Variants in PPP1R3C observed in about 807,000 individuals in gnomAD.
The protein encoded by PPP1R3C is protein phosphatase 1 regulatory subunit 3C.
Under a neutral mutation model 29.3 loss-of-function variants are expected in PPP1R3C, and 20 were observed. The ratio of observed to expected loss-of-function variants is 0.68; its 90% confidence interval spans 0.48 to 0.99. PPP1R3C has a LOEUF of 0.99. PPP1R3C is among the 50% of genes least tolerant of loss of function. The pLI, the probability that PPP1R3C is intolerant of heterozygous loss-of-function variation, is 0.00. For synonymous variants in PPP1R3C, 123 were observed against 143.1 expected (o/e 0.86, Z 1.00); for missense variants, 321 against 386.0 (o/e 0.83, Z 1.41).
At position 91,629,930 on chromosome 10, in the gene PPP1R3C, T is replaced by G. The variant is rs1309573712; in HGVS notation, c.951A>C (p.Arg317=). ...ACCAGTTACATTGTTGCTTAATTCA[T>G]CGATAAGAGGCCAAGTTCTCCATTC... ...WGRMENLASY[R] Residue 317 remains arginine, a synonymous_variant, in exon 2 of 2, where the codon CGA becomes CGC. Coordinates refer to ENST00000238994, the MANE Select transcript of PPP1R3C (RefSeq NM_005398.7). The G allele has an allele frequency of 6.2e-7, 1 of 1,614,004 alleles. No homozygotes were observed.
At position 91,630,041 on chromosome 10, in the gene PPP1R3C, C is replaced by A; in HGVS notation, c.840G>T (p.Thr280=). Residue 280 remains threonine, a synonymous_variant, in exon 2 of 2, where the codon ACG becomes ACT. Transcript: ENST00000238994. This position sits in a 1 kb window ranked among gnomAD's most constrained non-coding sequence, Gnocchi z 4.4. ...TTGACTCTAACTCTGTCTTAGGAGA[C>A]GTCTGGTGGAATGCACAGTCCTGGG... The part of the protein sequence containing the change: ...MAPQDCAFHQ[T]SPKTELESTI... The A allele has an allele frequency of 6.2e-7, 1 of 1,614,194 alleles. No homozygotes were observed. Among genetic ancestry groups the A allele is most frequent in the African/African-American group, 1.3e-5 (1 of 75,044 alleles).
At position 91,630,287 on chromosome 10, in the gene PPP1R3C, G is replaced by A. The variant is rs144290379; in HGVS notation, c.594C>T (p.Asp198=). The change falls in exon 2 of 2, where the codon GAC becomes GAT. Residue 198 remains aspartate, a synonymous_variant. Coordinates refer to ENST00000238994, the MANE Select transcript of PPP1R3C (RefSeq NM_005398.7). This position sits in a 1 kb window ranked among gnomAD's most constrained non-coding sequence, Gnocchi z 4.4. ...CATTTTTCATATAGACACAGTCTAC[G>A]TCAGTGTAGTTTTTCCAAGAATCGA... ...ITFDSWKNYT[D]VDCVYMKNVY... is the part of the protein sequence containing the mutation. The A allele has an allele frequency of 2.8e-5, 46 of 1,614,180 alleles. No individual in the cohort carries two copies. The South Asian group carries it at 3.5e-4, about 12-fold the overall frequency.
In PPP1R3C at chr10:91,628,707, G is replaced by C. The variant is rs1482179647; in HGVS notation, c.*1220C>G. On this transcript the variant is annotated 3_prime_UTR_variant, in exon 2 of 2. Coordinates refer to ENST00000238994, the MANE Select transcript of PPP1R3C (RefSeq NM_005398.7). ...TTAAGATCCTACAGAATGAATTTAT[G>C]CACACACAAAAACAAGTATAATACA... is the stretch of plus-strand genomic sequence containing the variant. The C allele has an allele frequency of 6.6e-6, 1 of 152,146 alleles. No homozygotes were observed. The highest frequency in any genetic ancestry group is 2.4e-5 in the African/African-American group (1 of 41,400). The allele number at this position is 152,146 out of a possible 1,614,324, so 9.4% of individuals were successfully genotyped here. A position where few individuals can be genotyped will look rare whatever the true frequency, so the allele number is the denominator to read the frequency against.
chr10:91,632,403 T>G (rs570009276), intron 1 of PPP1R3C, among the ~76,000 whole-genome samples: 12 of 151,838 alleles, frequency 7.9e-5, no homozygotes, highest in East Asian at 3.9e-4. Flanking sequence ...TTTTTTTGTT[T>G]TTTTTTTTTT....
chr10:91,633,033 C>G lies in PPP1R3C; in HGVS notation c.-64G>C, dbSNP rs1482574596. The G allele has an allele frequency of 5.0e-6, 8 of 1,589,748 alleles. No homozygotes were observed. The highest frequency in any genetic ancestry group is 6.9e-6 in the Non-Finnish European group (8 of 1,167,186). ...CTGCCTGCACAAATTCGAACCACAGCTCCAGGCCTTGCCCCCGCGGCGGTC... is the reference window on the plus strand; with the variant it reads ...CTGCCTGCACAAATTCGAACCACAGGTCCAGGCCTTGCCCCCGCGGCGGTC... On this transcript the variant is annotated 5_prime_UTR_variant, in exon 1 of 2. Coordinates refer to ENST00000238994, the MANE Select transcript of PPP1R3C (RefSeq NM_005398.7).
Position 91,629,283 on chromosome 10 carries a change from T to C in PPP1R3C, c.*644A>G, listed in dbSNP as rs1848687714. 1 of 152,520 alleles carries C rather than the reference T, an allele frequency of 6.6e-6. No individual in the cohort carries two copies. Among genetic ancestry groups the C allele is most frequent in the Non-Finnish European group, 1.5e-5 (1 of 68,268 alleles). The allele number at this position is 152,520 out of a possible 1,614,324, so 9.4% of individuals were successfully genotyped here. A position where few individuals can be genotyped will look rare whatever the true frequency, so the allele number is the denominator to read the frequency against. On this transcript the variant is annotated 3_prime_UTR_variant, in exon 2 of 2. Transcript: ENST00000238994. ...ACTTTCCCCAAATTATGATTTTTTA[T>C]AGATCACATCTGAACAGAAAGGCTT... is the stretch of plus-strand genomic sequence containing the variant.
At chr10:91,631,775 T>TTTATATATACA (rs1303833963) in intron 1 of PPP1R3C, among the ~76,000 whole-genome samples, 2 of 152,122 alleles carry the variant, frequency 1.3e-5, no homozygotes, top group Non-Finnish European at 2.9e-5. Flanking sequence ...AAATATACAT[T>TTTATATATACA]TTATATATAC....
Position 91,633,048 on chromosome 10 carries a change from C to G in PPP1R3C, c.-79G>C. 1.9e-6 allele frequency: 3 copies of G among 1,564,454 alleles called. No homozygotes were observed. The highest frequency in any genetic ancestry group is 2.3e-5 in the East Asian group (1 of 42,566). On this transcript the variant is annotated 5_prime_UTR_variant, in exon 1 of 2. Transcript: ENST00000238994. The stretch of plus-strand genomic sequence containing the variant: ...CGAACCACAGCTCCAGGCCTTGCCC[C>G]CGCGGCGGTCGCTGGGAGAGACTGA...
In PPP1R3C at chr10:91,630,828, G is replaced by T; in HGVS notation, c.53C>A (p.Ser18Ter). The T allele has an allele frequency of 6.2e-7, 1 of 1,613,680 alleles. No individual in the cohort carries two copies. The highest frequency in any genetic ancestry group is 1.1e-5 in the South Asian group (1 of 91,058). ...QVLDPRPLTS[S>*]VMPVDVAMRL... ...CATGGCCACATCCACGGGCATGACC[G>T]AACTTGTCAAAGGACGTGGATCTAA... is the stretch of plus-strand genomic sequence containing the variant. The change falls in exon 2 of 2, where the codon TCG (serine) becomes TAG (stop). Residue 18 changes from serine to a stop codon, truncating the protein, a stop_gained. Transcript: ENST00000238994. LOFTEE classifies it high-confidence loss of function. The surrounding 1 kb of genome is among the most constrained non-coding windows in gnomAD (Gnocchi z 4.4).
Position 91,628,994 on chromosome 10 carries a change from G to C in PPP1R3C, c.*933C>G, listed in dbSNP as rs1397767498. The stretch of plus-strand genomic sequence containing the variant: ...ATTGCAGGAGGAATGCCTGTGTACA[G>C]AGTGGACCATCTTATGAGGCCAAAA... On this transcript the variant is annotated 3_prime_UTR_variant, in exon 2 of 2. Coordinates refer to ENST00000238994, the MANE Select transcript of PPP1R3C (RefSeq NM_005398.7). 1 of 152,266 alleles carries C rather than the reference G, an allele frequency of 6.6e-6. No individual in the cohort carries two copies. Among genetic ancestry groups the C allele is most frequent in the Non-Finnish European group, 1.5e-5 (1 of 68,048 alleles). 9.4% of individuals were successfully genotyped at this position (152,266 alleles called of 1,614,324 possible).
chr10:91,630,910 G>T lies in PPP1R3C; in HGVS notation c.15-44C>A. The T allele has an allele frequency of 1.9e-6, 3 of 1,547,782 alleles. No homozygotes were observed. The highest frequency in any genetic ancestry group is 3.4e-4 in the Middle Eastern group (2 of 5,964). On this transcript the variant is annotated intron_variant, in intron 1 of 1. Transcript: ENST00000238994. This position sits in a 1 kb window ranked among gnomAD's most constrained non-coding sequence, Gnocchi z 4.4. ...AGGGATTATCACCTGGATCGGAAAT[G>T]CTCTTCCCCAGTGCCAAATACATAT... is the stretch of plus-strand genomic sequence containing the variant.
At position 91,632,985 on chromosome 10, in the gene PPP1R3C, C is replaced by T. The variant is rs773657244; in HGVS notation, c.-16G>A. 2 of 1,611,762 alleles carry T rather than the reference C, an allele frequency of 1.2e-6. No homozygotes were observed. Among genetic ancestry groups the T allele is most frequent in the South Asian group, 2.2e-5 (2 of 90,336 alleles). On this transcript the variant is annotated 5_prime_UTR_variant, in exon 1 of 2. Transcript: ENST00000238994. The stretch of plus-strand genomic sequence containing the variant: ...TGCAGCTCATTAGGCAGAGAGGCGG[C>T]GGACCCTAAAAGCCAGCACCCGCTG...
At position 91,630,893 on chromosome 10, in the gene PPP1R3C, T is replaced by A. The variant is rs1477606408; in HGVS notation, c.15-27A>T. The A allele has an allele frequency of 6.3e-7, 1 of 1,585,280 alleles. No individual in the cohort carries two copies. Among genetic ancestry groups the A allele is most frequent in the South Asian group, 1.1e-5 (1 of 90,582 alleles). On this transcript the variant is annotated intron_variant, in intron 1 of 1. Coordinates refer to ENST00000238994, the MANE Select transcript of PPP1R3C (RefSeq NM_005398.7). The surrounding 1 kb of genome is among the most constrained non-coding windows in gnomAD (Gnocchi z 4.4). ...TGGAATGCAAAAAGAAGAGGGATTA[T>A]CACCTGGATCGGAAATGCTCTTCCC...
In PPP1R3C at chr10:91,630,932, A is replaced by G. The variant is rs749299531; in HGVS notation, c.15-66T>C. On this transcript the variant is annotated intron_variant, in intron 1 of 1. Transcript: ENST00000238994. This position sits in a 1 kb window ranked among gnomAD's most constrained non-coding sequence, Gnocchi z 4.4. ...AATGCTCTTCCCCAGTGCCAAATAC[A>G]TATGTACTATTTTTGTGCTGACTGA... is the stretch of plus-strand genomic sequence containing the variant. The G allele has an allele frequency of 5.1e-6, 7 of 1,386,010 alleles. No homozygotes were observed. The South Asian group carries it at 7.0e-5, about 14-fold the overall frequency. The allele number at this position is 1,386,010 out of a possible 1,614,324, so 85.9% of individuals were successfully genotyped here. A position where few individuals can be genotyped will look rare whatever the true frequency, so the allele number is the denominator to read the frequency against.
intron 1 of PPP1R3C, among the ~76,000 whole-genome samples, chr10:91,631,184 T>A (rs1170746628): frequency 6.6e-6 from 1 of 152,246 alleles, no homozygotes; most frequent in African/African-American, 2.4e-5. Flanking sequence ...TGTGCTCTGT[T>A]CTGGACCAGT....
rs1347062228 is a variant in PPP1R3C at position 91,630,262 on chromosome 10, C to T, written c.619G>A (p.Val207Met). The T allele has an allele frequency of 1.2e-6, 2 of 1,614,224 alleles. No individual in the cohort carries two copies. Among genetic ancestry groups the T allele is most frequent in the African/African-American group, 1.3e-5 (1 of 75,066 alleles). ...GTATCACTATCTGTGCCACCATACACATTTTTCATATAGACACAGTCTACG... is the reference window on the plus strand; with the variant it reads ...GTATCACTATCTGTGCCACCATACATATTTTTCATATAGACACAGTCTACG... ...TDVDCVYMKN[V>M]YGGTDSDTFS... is the part of the protein sequence containing the mutation. Residue 207 changes from valine to methionine, a missense_variant, in exon 2 of 2, where the codon GTG becomes ATG. Coordinates refer to ENST00000238994, the MANE Select transcript of PPP1R3C (RefSeq NM_005398.7). The surrounding 1 kb of genome is among the most constrained non-coding windows in gnomAD (Gnocchi z 4.4).
Position 91,630,854 on chromosome 10 carries a change from A to G in PPP1R3C, c.27T>C (p.Val9=). The G allele has an allele frequency of 6.2e-7, 1 of 1,611,430 alleles. No individual in the cohort carries two copies. Among genetic ancestry groups the G allele is most frequent in the Admixed American group, 1.7e-5 (1 of 60,028 alleles). The change falls in exon 2 of 2, where the codon GTT becomes GTC. Residue 9 remains valine (V), a synonymous_variant. Transcript: ENST00000238994. The surrounding 1 kb of genome is among the most constrained non-coding windows in gnomAD (Gnocchi z 4.4). MSCTRMIQ[V]LDPRPLTSSV... ...AACTTGTCAAAGGACGTGGATCTAA[A>G]ACCTGGATCATTCTGGAATGCAAAA...
chr10:91,630,026 CTCTG>C lies in PPP1R3C; in HGVS notation c.851_854del (p.Thr284SerfsTer2), dbSNP rs769234517. The C allele has an allele frequency of 6.2e-7, 1 of 1,614,254 alleles. No individual in the cohort carries two copies. The highest frequency in any genetic ancestry group is 1.7e-5 in the Admixed American group (1 of 60,032). ...GACTGCCAAAGATTGTTGACTCTAACTCTGTCTTAGGAGACGTCTGGTGGAATGC... is the reference window on the plus strand; with the variant it reads ...GACTGCCAAAGATTGTTGACTCTAACTCTTAGGAGACGTCTGGTGGAATGC... On this transcript the variant is annotated frameshift_variant, in exon 2 of 2. Coordinates refer to ENST00000238994, the MANE Select transcript of PPP1R3C (RefSeq NM_005398.7). LOFTEE classifies it high-confidence loss of function. The surrounding 1 kb of genome is among the most constrained non-coding windows in gnomAD (Gnocchi z 4.4).
chr10:91,632,276 C>A (rs1202112445), intron 1 of PPP1R3C, among the ~76,000 whole-genome samples: 1 of 152,072 alleles, frequency 6.6e-6, no homozygotes, highest in African/African-American at 2.4e-5. Flanking sequence ...CAAATGAAAG[C>A]TAAAGCTATA....
Sources: allele counts gnomAD v4.1 joint callset (sites outside exome capture counted in the v4.1 genomes callset), GRCh38; gene constraint gnomAD v4.1.1; non-coding constraint Gnocchi (gnomAD v3.1); transcripts MANE v1.5; gene names NCBI Gene and HGNC (gene_info 2026-07-23, HGNC 2026-07-21).